The following METTL15 variants were observed in gnomAD, a reference collection of about 807,000 sequenced individuals.
The protein encoded by METTL15 is 12S rRNA N(4)-cytidine methyltransferase METTL15.
In METTL15, 34 loss-of-function variants were observed where a neutral mutation model predicts 38.3. The ratio of observed to expected loss-of-function variants is 0.89; its 90% CI spans 0.68 to 1.18. The LOEUF (loss-of-function observed/expected upper bound fraction) is 1.18. METTL15 is among the 50% of genes most tolerant of loss of function. The probability of loss-of-function intolerance (pLI) is 0.00; values close to 1 mark genes in which losing one functional copy is unlikely to be tolerated. For synonymous variants in METTL15, 162 were observed against 170.9 expected (o/e 0.95, Z 0.41); for missense variants, 438 against 498.4 (o/e 0.88, Z 1.15).
At chr11:28,245,542 A>G (rs1854474249) in intron 4 of METTL15, among the ~76,000 whole-genome samples, 1 of 152,200 alleles carries the variant, frequency 6.6e-6, no homozygotes, top group Non-Finnish European at 1.5e-5. Flanking sequence ...ATAAGATGAT[A>G]GTATTCAACC....
At chr11:28,409,130 C>T (rs1850701977) in intron 5 of METTL15, among the ~76,000 whole-genome samples, 1 of 151,982 alleles carries the variant, frequency 6.6e-6, no homozygotes, top group Admixed American at 6.6e-5. Context: ...CGCCTGTAAT[C>T]CCAGCACTTA....
intron 4 of METTL15, among the ~76,000 whole-genome samples, chr11:28,262,692 G>A (rs1334444460): frequency 2.0e-5 from 3 of 152,046 alleles, no homozygotes; most frequent in Admixed American, 2.0e-4. Flanking sequence ...TTTTCATTAG[G>A]CAAGTATTTT....
chr11:28,507,450 A>T lies in METTL15; in HGVS notation c.*425-19028A>T, dbSNP rs114052776. ...CCAGGCCCCTCCTCCAACACAGGGG[A>T]TTACAATTTGACCTGAGACTTGGGC... On this transcript the variant is annotated intron_variant and NMD_transcript_variant, in intron 6 of 7. Coordinates refer to the METTL15 transcript ENST00000532947. 7.9e-3 allele frequency among the ~76,000 whole-genome samples: 1,205 copies of T among 152,226 alleles called. 22 individuals carry two copies. The highest frequency in any genetic ancestry group is 0.027 in the African/African-American group (1,133 of 41,514).
intron 4 of METTL15, among the ~76,000 whole-genome samples, chr11:28,237,318 T>G (rs987312568): frequency 2.6e-5 from 4 of 152,204 alleles, no homozygotes; most frequent in Admixed American, 2.6e-4. Context: ...TTCTTTTTTC[T>G]CTAAACTTCC....
At chr11:28,311,436 A>G (rs189312978) in intron 6 of METTL15, among the ~76,000 whole-genome samples, 2 of 152,218 alleles carry the variant, frequency 1.3e-5, no homozygotes, top group East Asian at 3.9e-4. Flanking sequence ...CTTTTTCATT[A>G]TGTGTTCATA....
intron 6 of METTL15, among the ~76,000 whole-genome samples, chr11:28,473,900 A>C (rs1851322826): frequency 6.6e-6 from 1 of 151,796 alleles, no homozygotes; most frequent in Admixed American, 6.6e-5. Flanking sequence ...GCACCACTTC[A>C]TCTGAAGTTT....
chr11:28,308,158 CTTTA>C (rs1857145731), intron 6 of METTL15, among the ~76,000 whole-genome samples: 1 of 151,820 alleles, frequency 6.6e-6, no homozygotes, highest in Admixed American at 6.6e-5. Flanking sequence ...GTCTGCTTGT[CTTTA>C]TTTTATAGTT....
chr11:28,168,675 C>T (rs1294850492), intron 3 of METTL15, among the ~76,000 whole-genome samples: 2 of 144,694 alleles, frequency 1.4e-5, no homozygotes, highest in Admixed American at 6.9e-5. Flanking sequence ...TTTTAAAATA[C>T]AGAAAAACAC....
chr11:28,509,868 G>A (rs905333293), intron 6 of METTL15, among the ~76,000 whole-genome samples: 1 of 151,980 alleles, frequency 6.6e-6, no homozygotes, highest in African/African-American at 2.4e-5. Context: ...TCTCTGCTTT[G>A]TACCTCCTGC....
intron 6 of METTL15, among the ~76,000 whole-genome samples, chr11:28,326,780 T>G (rs11030279): frequency 0.088 from 13,286 of 151,690 alleles, 1,033 homozygotes; most frequent in East Asian, 0.36. Flanking sequence ...TTTGTTTTTG[T>G]TTTTTGGTTT....
intron 3 of METTL15, among the ~76,000 whole-genome samples, chr11:28,180,522 C>T (rs1590117136): frequency 6.6e-6 from 1 of 151,732 alleles, no homozygotes; most frequent in Admixed American, 6.6e-5. Flanking sequence ...AGGACTAGAA[C>T]TAAGAAGGGC....
At chr11:28,510,889 GGTCT>G (rs1314976327) in intron 6 of METTL15, among the ~76,000 whole-genome samples, 1 of 152,102 alleles carries the variant, frequency 6.6e-6, no homozygotes, top group Non-Finnish European at 1.5e-5. Flanking sequence ...GTTAAGTGTG[GGTCT>G]GTCTGGGCAC....
chr11:28,253,590 C>T (rs1297314087), intron 4 of METTL15, among the ~76,000 whole-genome samples: 2 of 150,554 alleles, frequency 1.3e-5, no homozygotes, highest in Non-Finnish European at 3.0e-5. Context: ...TTAAACATCC[C>T]CTCATGGCCC....
At chr11:28,470,063 A>G (rs1057093830) in intron 6 of METTL15, among the ~76,000 whole-genome samples, 2 of 152,116 alleles carry the variant, frequency 1.3e-5, no homozygotes, top group Non-Finnish European at 2.9e-5. Flanking sequence ...CACAATCACA[A>G]TGTAGACTCT....
chr11:28,323,301 G>A (rs1849531911), intron 6 of METTL15, among the ~76,000 whole-genome samples: 1 of 151,844 alleles, frequency 6.6e-6, no homozygotes, highest in South Asian at 2.1e-4. Flanking sequence ...TTTTATAGCA[G>A]TGAATACAGT....
At chr11:28,479,357 T>TACCCAA in intron 6 of METTL15, among the ~76,000 whole-genome samples, 1 of 152,264 alleles carries the variant, frequency 6.6e-6, no homozygotes, top group East Asian at 1.9e-4. Context: ...AAGAGTGATG[T>TACCCAA]AAAAGTGACT....
intron 3 of METTL15, among the ~76,000 whole-genome samples, chr11:28,196,819 T>A (rs1486637783): frequency 1.3e-5 from 2 of 151,868 alleles, no homozygotes; most frequent in Non-Finnish European, 2.9e-5. Flanking sequence ...AGTAAAAAAT[T>A]GAGATATTTC....
chr11:28,290,439 ATTTGTC>A, intron 5 of METTL15, 42 bp downstream of exon 5: 1 of 1,554,024 alleles, frequency 6.4e-7, no homozygotes, highest in African/African-American at 1.4e-5. Flanking sequence ...CAAGAAATCA[ATTTGTC>A]AAAAACACTC....
At chr11:28,167,387 T>C (rs1249977965) in intron 3 of METTL15, among the ~76,000 whole-genome samples, 1 of 152,054 alleles carries the variant, frequency 6.6e-6, no homozygotes, top group Non-Finnish European at 1.5e-5. Flanking sequence ...ACAACCAGGG[T>C]CGTGCCACCA....
Sources: allele counts gnomAD v4.1 joint callset (sites outside exome capture counted in the v4.1 genomes callset), GRCh38; gene constraint gnomAD v4.1.1; transcripts MANE v1.5; gene names NCBI Gene and HGNC (gene_info 2026-07-23, HGNC 2026-07-21).